PACRG: variants seen among roughly 807,000 people sequenced by gnomAD.
PACRG encodes parkin coregulated gene protein.
PACRG carries 29 observed loss-of-function variants against 29.7 expected under a neutral mutation model. That is an observed-to-expected ratio of 0.98 (90% CI 0.73 to 1.33). PACRG has a LOEUF of 1.33. Ranked by LOEUF, PACRG falls within the 40% of genes most tolerant of loss-of-function variation. The pLI is 0.00. For missense variants in PACRG, 279 were observed against 316.2 expected, an observed-to-expected ratio of 0.88 and a Z score of 0.89; for synonymous variants, 116 against 118.7, an observed-to-expected ratio of 0.98 and a Z score of 0.15.
At chr6:163,033,080 CA>C (rs1035593942) in intron 2 of PACRG, among the ~76,000 whole-genome samples, 3 of 152,132 alleles carry the variant, frequency 2.0e-5, no homozygotes, top group South Asian at 2.1e-4. Context: ...TAATCTAGGC[CA>C]AAAAAATTAC....
intron 4 of PACRG, among the ~76,000 whole-genome samples, chr6:163,222,268 G>A (rs371450398): frequency 4.6e-5 from 7 of 152,278 alleles, no homozygotes; most frequent in East Asian, 1.9e-4. Flanking sequence ...ATGGTCCATC[G>A]CAACCAACCG....
intron 1 of PACRG, among the ~76,000 whole-genome samples, chr6:162,785,079 T>C (rs1487329911): frequency 6.6e-6 from 1 of 152,046 alleles, no homozygotes; most frequent in Non-Finnish European, 1.5e-5. Context: ...AAGCAGATTT[T>C]ATATATATGG....
intron 4 of PACRG, among the ~76,000 whole-genome samples, chr6:163,213,089 A>G (rs147969032): frequency 1.3e-5 from 2 of 152,258 alleles, no homozygotes; most frequent in Non-Finnish European, 2.9e-5. Context: ...GAAACTGACA[A>G]TCTTAATTGA....
chr6:163,138,517 T>C (rs1817027919), intron 4 of PACRG, among the ~76,000 whole-genome samples: 1 of 152,162 alleles, frequency 6.6e-6, no homozygotes, highest in African/African-American at 2.4e-5. Context: ...CCACCTCAGA[T>C]CATTAAGCAT....
At chr6:162,756,089 G>C (rs1393107158) in intron 1 of PACRG, among the ~76,000 whole-genome samples, 1 of 152,120 alleles carries the variant, frequency 6.6e-6, no homozygotes, top group African/African-American at 2.4e-5. Context: ...AAGAATGTTA[G>C]ATGATCACTT....
intron 2 of PACRG, among the ~76,000 whole-genome samples, chr6:162,892,938 A>AT (rs1794879269): frequency 1.4e-5 from 2 of 147,312 alleles, no homozygotes; most frequent in Non-Finnish European, 1.5e-5. Context: ...CTCGGCCCAC[A>AT]CCCCAGAGAA....
chr6:162,888,562 A>G (rs1262690882), intron 2 of PACRG, among the ~76,000 whole-genome samples: 1 of 152,140 alleles, frequency 6.6e-6, no homozygotes, highest in Admixed American at 6.6e-5. Context: ...TTCCCAGGAC[A>G]GAGGTTACAG....
intron 4 of PACRG, among the ~76,000 whole-genome samples, chr6:163,160,300 C>G (rs1778503819): frequency 6.6e-6 from 1 of 152,166 alleles, no homozygotes; most frequent in Non-Finnish European, 1.5e-5. Context: ...AAATCCATCC[C>G]CTGGAAGCTG....
intron 2 of PACRG, among the ~76,000 whole-genome samples, chr6:162,977,274 A>C (rs1802036037): frequency 6.6e-6 from 1 of 152,140 alleles, no homozygotes; most frequent in Admixed American, 6.5e-5. Context: ...ATACAAATGG[A>C]AAAGTCTTAA....
chr6:162,942,213 T>A (rs1194794008), intron 2 of PACRG, among the ~76,000 whole-genome samples: 1 of 152,208 alleles, frequency 6.6e-6, no homozygotes, highest in Non-Finnish European at 1.5e-5. Flanking sequence ...TTAATCAGGG[T>A]TAGAGTAGAG....
At chr6:163,297,639 T>A (rs921469190) in intron 4 of PACRG, among the ~76,000 whole-genome samples, 1 of 152,134 alleles carries the variant, frequency 6.6e-6, no homozygotes, top group Non-Finnish European at 1.5e-5. Context: ...TTGCAATATA[T>A]CATGAATGTT....
upstream of PACRG, chr6:162,727,693 G>A (rs1237871379): frequency 5.1e-6 from 8 of 1,569,164 alleles, no homozygotes; most frequent in East Asian, 1.4e-4. Context: ...TGGCGGCTGC[G>A]GGCCAGGAAC....
At chr6:163,051,041 C>G (rs976939304) in intron 2 of PACRG, among the ~76,000 whole-genome samples, 17 of 152,202 alleles carry the variant, frequency 1.1e-4, no homozygotes, top group African/African-American at 4.1e-4. Flanking sequence ...CTTTACCTCC[C>G]TGTGCTGCCT....
At chr6:162,966,552 C>T (rs2128152113) in intron 2 of PACRG, among the ~76,000 whole-genome samples, 1 of 149,956 alleles carries the variant, frequency 6.7e-6, no homozygotes, top group African/African-American at 2.5e-5. Flanking sequence ...TCTCGGCTCA[C>T]TGCAAGCTCC....
chr6:163,089,027 G>C (rs58939831), intron 3 of PACRG, among the ~76,000 whole-genome samples: 1 of 152,080 alleles, frequency 6.6e-6, no homozygotes, highest in South Asian at 2.1e-4. Context: ...TGCATTCCTA[G>C]GGCTGGTGAG....
intron 2 of PACRG, among the ~76,000 whole-genome samples, chr6:162,953,606 T>C (rs1799811824): frequency 6.6e-6 from 1 of 152,026 alleles, no homozygotes; most frequent in African/African-American, 2.4e-5. Context: ...ACATATGAGA[T>C]AGCAGAGATT....
intron 4 of PACRG, among the ~76,000 whole-genome samples, chr6:163,124,172 CT>C (rs1160736885): frequency 6.6e-6 from 1 of 152,124 alleles, no homozygotes; most frequent in African/African-American, 2.4e-5. Flanking sequence ...TGTAGGAGCT[CT>C]TTGTATATTT....
chr6:163,157,870 C>A (rs1334325948), intron 4 of PACRG, among the ~76,000 whole-genome samples: 4 of 152,086 alleles, frequency 2.6e-5, no homozygotes, highest in Admixed American at 2.0e-4. Context: ...GTCATTAGAC[C>A]AAGAACAAAT....
At chr6:163,112,483 T>C (rs1326204228) in intron 4 of PACRG, among the ~76,000 whole-genome samples, 1 of 152,222 alleles carries the variant, frequency 6.6e-6, no homozygotes, top group African/African-American at 2.4e-5. Context: ...CCCTCATTTG[T>C]TGCAAGCCCC....
Sources: allele counts gnomAD v4.1 joint callset (sites outside exome capture counted in the v4.1 genomes callset), GRCh38; gene constraint gnomAD v4.1.1; transcripts MANE v1.5; gene names NCBI Gene and HGNC (gene_info 2026-07-23, HGNC 2026-07-21).